The following PRKCQ variants were observed in gnomAD, a reference collection of about 807,000 sequenced individuals.
PRKCQ encodes the protein protein kinase C theta.
A neutral mutation model predicts 91.2 loss-of-function variants in PRKCQ; 41 were observed. The observed-to-expected ratio is 0.45, with a 90% CI of 0.35 to 0.58. The LOEUF (loss-of-function observed/expected upper bound fraction) is 0.58, where lower values mean the gene tolerates loss of function less well. Among genes scored for constraint, PRKCQ ranks in the 20% least tolerant of loss-of-function variants. The probability of loss-of-function intolerance (pLI) is 0.00; values close to 1 mark genes in which losing one functional copy is unlikely to be tolerated. For missense variants in PRKCQ, 673 were observed against 896.5 expected (o/e 0.75, Z 3.18); for synonymous variants, 307 against 316.9 (o/e 0.97, Z 0.33).
At chr10:6,441,787 A>T in intron 16 of PRKCQ, 106 bp downstream of exon 16, 1 of 1,182,184 alleles carries the variant, frequency 8.5e-7, no homozygotes, top group East Asian at 2.4e-5. Context: ...CCAGTTCAAT[A>T]ATAATCATTG....
At chr10:6,577,692 T>C (rs187875599) in intron 1 of PRKCQ, among the ~76,000 whole-genome samples, 1 of 152,248 alleles carries the variant, frequency 6.6e-6, no homozygotes, top group Admixed American at 6.5e-5. Flanking sequence ...AAATCAAATA[T>C]AACCTTGTTA....
the PRKCQ span, among the ~76,000 whole-genome samples, chr10:6,412,167 C>A: frequency 6.6e-6 from 1 of 152,162 alleles, no homozygotes; most frequent in South Asian, 2.1e-4. Flanking sequence ...CCATCTCAGC[C>A]TCTGAGTAGC....
At chr10:6,494,117 A>G (rs567186670) in intron 7 of PRKCQ, among the ~76,000 whole-genome samples, 27 of 152,204 alleles carry the variant, frequency 1.8e-4, no homozygotes, top group Admixed American at 1.1e-3. Context: ...CCAGCCATCA[A>G]ACTCCATGGG....
At chr10:6,405,111 A>G in the PRKCQ span, among the ~76,000 whole-genome samples, 1 of 151,978 alleles carries the variant, frequency 6.6e-6, no homozygotes, top group Non-Finnish European at 1.5e-5. Context: ...CCTCCCAGAT[A>G]GCTGGGTCCA....
the PRKCQ span, among the ~76,000 whole-genome samples, chr10:6,406,723 C>A: frequency 6.6e-6 from 1 of 152,204 alleles, no homozygotes; most frequent in South Asian, 2.1e-4. Context: ...GTAAGATGTG[C>A]CGCCTGAGGC....
the PRKCQ span, among the ~76,000 whole-genome samples, chr10:6,406,000 G>A: frequency 6.6e-6 from 1 of 152,198 alleles, no homozygotes; most frequent in African/African-American, 2.4e-5. Context: ...CGCACATTCA[G>A]AGGGCCCATC....
chr10:6,407,710 G>A, the PRKCQ span, among the ~76,000 whole-genome samples: 1,351 of 152,208 alleles, frequency 8.9e-3, 14 homozygotes, highest in African/African-American at 0.031. The surrounding 1 kb of genome is among the most constrained non-coding windows in gnomAD (Gnocchi z 4.0). Flanking sequence ...TGTGTGTGGT[G>A]TGTGTGTTCA....
chr10:6,564,478 C>T (rs996705495), intron 1 of PRKCQ, among the ~76,000 whole-genome samples: 1 of 152,076 alleles, frequency 6.6e-6, no homozygotes, highest in African/African-American at 2.4e-5. Context: ...GGCCCGTGAC[C>T]TGTTTTTCAC....
intron 1 of PRKCQ, among the ~76,000 whole-genome samples, chr10:6,568,790 GC>G (rs1233836619): frequency 6.6e-6 from 1 of 152,024 alleles, no homozygotes; most frequent in East Asian, 1.9e-4. Context: ...GAGCCACCGC[GC>G]CCGGCCAGTT....
At chr10:6,494,016 T>C (rs745543320) in intron 7 of PRKCQ, among the ~76,000 whole-genome samples, 4 of 152,202 alleles carry the variant, frequency 2.6e-5, no homozygotes, top group Non-Finnish European at 4.4e-5. Context: ...TCTGACTGCT[T>C]TTCACGAGTC....
chr10:6,562,160 G>T (rs1840657737), intron 1 of PRKCQ, among the ~76,000 whole-genome samples: 1 of 152,170 alleles, frequency 6.6e-6, no homozygotes, highest in African/African-American at 2.4e-5. Flanking sequence ...GAACGAAGGA[G>T]AAGCCCACTC....
At chr10:6,429,962 C>T (rs1258320751) in intron 17 of PRKCQ, among the ~76,000 whole-genome samples, 1 of 152,152 alleles carries the variant, frequency 6.6e-6, no homozygotes, top group Admixed American at 6.5e-5. Flanking sequence ...TCAGGCAATC[C>T]TCCCACCTCA....
chr10:6,423,679 GTGTCTCTGCTAC>G (rs145174173), downstream of PRKCQ, among the ~76,000 whole-genome samples: 700 of 152,258 alleles, frequency 4.6e-3, 3 homozygotes, highest in Middle Eastern at 0.01. Flanking sequence ...GGACGACCCT[GTGTCTCTGCTAC>G]TGTGACCGAC....
At chr10:6,475,913 G>C (rs559883255) in intron 12 of PRKCQ, among the ~76,000 whole-genome samples, 2 of 152,272 alleles carry the variant, frequency 1.3e-5, no homozygotes, top group Admixed American at 6.5e-5. Context: ...TCTGAGTCTT[G>C]AGCCAGTCAG....
At chr10:6,501,926 G>C (rs1004049065) in intron 4 of PRKCQ, among the ~76,000 whole-genome samples, 7 of 152,134 alleles carry the variant, frequency 4.6e-5, no homozygotes, top group African/African-American at 1.7e-4. Flanking sequence ...AGGAGATTGA[G>C]GCATCCCCAG....
chr10:6,537,653 T>A (rs1588397503), intron 1 of PRKCQ, among the ~76,000 whole-genome samples: 2 of 152,218 alleles, frequency 1.3e-5, no homozygotes, highest in Admixed American at 1.3e-4. Context: ...TATGGTGAGA[T>A]CTTCGTCAGG....
intron 1 of PRKCQ, among the ~76,000 whole-genome samples, chr10:6,544,309 T>C (rs955384185): frequency 3.9e-5 from 6 of 152,164 alleles, no homozygotes; most frequent in Admixed American, 3.9e-4. Context: ...AAAATCAACA[T>C]CGCTCAAGGT....
At chr10:6,513,447 C>CAA (rs58606251) in intron 2 of PRKCQ, among the ~76,000 whole-genome samples, 34 of 105,554 alleles carry the variant, frequency 3.2e-4, no homozygotes, top group African/African-American at 1.1e-3. Flanking sequence ...AGGCCAAATG[C>CAA]AAAAAAAAAA....
intron 9 of PRKCQ, 120 bp from the exon 10 acceptor site, chr10:6,485,389 T>G: frequency 1.3e-6 from 1 of 758,658 alleles, no homozygotes; most frequent in East Asian, 2.5e-5. Flanking sequence ...TCAACAAAGA[T>G]CTCCTTATCC....
Sources: allele counts gnomAD v4.1 joint callset (sites outside exome capture counted in the v4.1 genomes callset), GRCh38; gene constraint gnomAD v4.1.1; non-coding constraint Gnocchi (gnomAD v3.1); transcripts MANE v1.5; gene names NCBI Gene and HGNC (gene_info 2026-07-23, HGNC 2026-07-21).